Variants in DMD observed in about 807,000 individuals in gnomAD.
DMD encodes mutant dystrophin.
Under a neutral mutation model 330.1 loss-of-function variants are expected in DMD, and 63 were observed. That is an observed-to-expected ratio of 0.19 (90% CI 0.16 to 0.24). The LOEUF (loss-of-function observed/expected upper bound fraction) is 0.24. DMD is among the 10% of genes least tolerant of loss of function. The pLI, the probability that DMD is intolerant of heterozygous loss-of-function variation, is 1.00. For synonymous variants in DMD, 1,223 were observed against 959.8 expected, an observed-to-expected ratio of 1.27 and a Z score of -5.07; for missense variants, 3,344 against 2,684.1, an observed-to-expected ratio of 1.25 and a Z score of -5.43.
At chrX:31,970,187 G>A (rs776541809) in intron 44 of DMD, among the ~76,000 whole-genome samples, 1 of 110,782 alleles carries the variant, frequency 9.0e-6, no homozygotes, top group Non-Finnish European at 1.9e-5. Flanking sequence ...CTGAGTGAAC[G>A]CATGAATCTA....
upstream of DMD, among the ~76,000 whole-genome samples, chrX:33,214,660 A>G (rs1197466403): frequency 1.8e-5 from 2 of 111,406 alleles, no homozygotes; most frequent in African/African-American, 6.5e-5. Context: ...TTTTTAAGAA[A>G]TTTTCATTTA....
rs1557019894 is a variant in DMD at position 32,777,277 on chromosome X, T to TGGC, written c.649+32215_649+32216insGCC. Among the ~76,000 whole-genome samples, 3 of 2,111 alleles carry TGGC rather than the reference T, an allele frequency of 1.4e-3. 1 individual carries two copies. The highest frequency in any genetic ancestry group is 9.3e-3 in the African/African-American group (3 of 323). 1.8% of individuals were successfully genotyped at this position (2,111 alleles called of 115,157 possible). A position where few individuals can be genotyped will look rare whatever the true frequency, so the allele number is the denominator to read the frequency against. ...CTAGTTTTTAAGTTTGGTTTCTGGT[T>TGGC]GGGGGGGGAATCCTACCAAGCTAGG... On this transcript the variant is annotated intron_variant, in intron 7 of 78. Coordinates refer to ENST00000357033, the MANE Select transcript of DMD (RefSeq NM_004006.3).
At chrX:32,349,594 G>A (rs1029720720) in intron 37 of DMD, among the ~76,000 whole-genome samples, 22 of 111,148 alleles carry the variant, frequency 2.0e-4, no homozygotes, top group African/African-American at 7.2e-4. Context: ...TTATTAGATG[G>A]CAACTTCTGG....
At chrX:32,324,334 T>C (rs1403428312) in intron 41 of DMD, among the ~76,000 whole-genome samples, 3 of 111,501 alleles carry the variant, frequency 2.7e-5, no homozygotes, top group Non-Finnish European at 5.7e-5. Flanking sequence ...ATCTATAGGC[T>C]GTTTACAAGA....
At chrX:32,456,954 T>C (rs1424358127) in intron 25 of DMD, among the ~76,000 whole-genome samples, 2 of 46,224 alleles carry the variant, frequency 4.3e-5, no homozygotes, top group South Asian at 1.1e-3. Flanking sequence ...AGGGTCCAGA[T>C]TGTTAAAAAA....
chrX:31,603,568 T>C (rs1325099164), intron 55 of DMD, among the ~76,000 whole-genome samples: 2 of 111,925 alleles, frequency 1.8e-5, no homozygotes, highest in East Asian at 5.7e-4. Flanking sequence ...GTTTGCAATA[T>C]TTGAAAAGAG....
chrX:33,239,740 T>A (rs774055300), intron 1 of DMD, among the ~76,000 whole-genome samples: 1 of 111,926 alleles, frequency 8.9e-6, no homozygotes, highest in Admixed American at 9.5e-5. Flanking sequence ...CCCTCACATG[T>A]TATCATTTAA....
intron 60 of DMD, among the ~76,000 whole-genome samples, chrX:31,402,309 G>A (rs1370303251): frequency 8.9e-6 from 1 of 111,946 alleles, no homozygotes; most frequent in Admixed American, 9.5e-5. Context: ...TGGATTAGGG[G>A]AAGGTCACTC....
At chrX:31,890,953 C>T (rs2094240444) in intron 47 of DMD, among the ~76,000 whole-genome samples, 1 of 111,798 alleles carries the variant, frequency 8.9e-6, no homozygotes, top group Non-Finnish European at 1.9e-5. Flanking sequence ...TTTATCTTTT[C>T]TATGTGTAAT....
chrX:32,454,803 T>A lies in DMD; in HGVS notation c.3462A>T (p.Gly1154=). The part of the protein sequence containing the change: ...QVYARKEALK[G]GLEKTVSLQK... ...GGAGGCTTACAGTTTTCTCCAAACC[T>A]CCCTTCAAGGCCTCCTTTCTGGCAT... Residue 1154 remains glycine, a synonymous_variant, in exon 26 of 79, where the codon GGA becomes GGT. Coordinates refer to ENST00000357033, the MANE Select transcript of DMD (RefSeq NM_004006.3). The A allele has an allele frequency of 2.5e-6, 3 of 1,207,649 alleles. No individual in the cohort carries two copies. Among genetic ancestry groups the A allele is most frequent in the South Asian group, 3.5e-5 (2 of 56,838 alleles).
intron 47 of DMD, among the ~76,000 whole-genome samples, chrX:31,901,704 TA>T (rs2094425231): frequency 8.9e-6 from 1 of 111,934 alleles, no homozygotes; most frequent in South Asian, 3.7e-4. Flanking sequence ...AACATCTTAT[TA>T]ATATGACACT....
intron 7 of DMD, among the ~76,000 whole-genome samples, chrX:32,751,702 C>A (rs777978842): frequency 8.9e-6 from 1 of 112,246 alleles, no homozygotes; most frequent in Non-Finnish European, 1.9e-5. Flanking sequence ...CTCCAGGGCA[C>A]GTCAGAGACC....
At chrX:32,223,528 T>C (rs2097138176) in intron 43 of DMD, among the ~76,000 whole-genome samples, 1 of 111,805 alleles carries the variant, frequency 8.9e-6, no homozygotes, top group African/African-American at 3.2e-5. Context: ...TCTCCTGGAA[T>C]ATGAACATAT....
At chrX:32,964,392 G>A (rs1268312791) in intron 2 of DMD, among the ~76,000 whole-genome samples, 2 of 110,573 alleles carry the variant, frequency 1.8e-5, no homozygotes, top group African/African-American at 6.6e-5. Flanking sequence ...TATACTATGA[G>A]GCAACCAAAT....
intron 2 of DMD, among the ~76,000 whole-genome samples, chrX:32,852,486 A>T (rs2081216544): frequency 9.0e-6 from 1 of 110,830 alleles, no homozygotes; most frequent in South Asian, 3.8e-4. Context: ...CCATGGGGAT[A>T]TACTCCTTGT....
At chrX:32,704,163 A>C (rs1235160308) in intron 7 of DMD, among the ~76,000 whole-genome samples, 1 of 111,764 alleles carries the variant, frequency 8.9e-6, no homozygotes, top group East Asian at 2.8e-4. Context: ...GTTGAACCTC[A>C]TGGCGGTCTG....
chrX:32,248,772 T>G (rs764199827), intron 43 of DMD, among the ~76,000 whole-genome samples: 8 of 111,231 alleles, frequency 7.2e-5, no homozygotes, highest in African/African-American at 9.8e-5. Flanking sequence ...TGACTTTTAT[T>G]ATGAATGGAT....
At chrX:32,987,541 C>A (rs1328763268) in intron 2 of DMD, among the ~76,000 whole-genome samples, 2 of 111,466 alleles carry the variant, frequency 1.8e-5, no homozygotes, top group Non-Finnish European at 3.8e-5. Flanking sequence ...TATACATAGT[C>A]CTATTTAATT....
chrX:32,186,603 T>C (rs1177865913), intron 44 of DMD, among the ~76,000 whole-genome samples: 5 of 111,758 alleles, frequency 4.5e-5, no homozygotes, highest in Non-Finnish European at 9.5e-5. Flanking sequence ...GATTTGAACA[T>C]GTACATTATT....
Sources: allele counts gnomAD v4.1 joint callset (sites outside exome capture counted in the v4.1 genomes callset), GRCh38; gene constraint gnomAD v4.1.1; transcripts MANE v1.5; gene names NCBI Gene and HGNC (gene_info 2026-07-23, HGNC 2026-07-21).